The following RSF1 variants were observed in gnomAD, a reference collection of about 807,000 sequenced individuals.
The protein encoded by RSF1 is HBV pX-associated protein 8.
Under a neutral mutation model 145.2 loss-of-function variants are expected in RSF1, and 13 were observed. The observed-to-expected ratio is 0.09, with a 90% CI of 0.06 to 0.14. The LOEUF (loss-of-function observed/expected upper bound fraction) is 0.14, where lower values mean the gene tolerates loss of function less well. Ranked by LOEUF, RSF1 falls within the 10% of genes least tolerant of loss-of-function variation. RSF1 has a pLI of 1.00. For synonymous variants in RSF1, 577 were observed against 592.6 expected, an observed-to-expected ratio of 0.97 and a Z score of 0.38; for missense variants, 1,517 against 1,718.2, an observed-to-expected ratio of 0.88 and a Z score of 2.07.
chr11:77,770,998 T>C (rs924790669), intron 1 of RSF1, among the ~76,000 whole-genome samples: 10 of 152,192 alleles, frequency 6.6e-5, no homozygotes, highest in Admixed American at 6.5e-4. Flanking sequence ...CAATGGCTTC[T>C]AGTATCAGAT....
At chr11:77,743,113 T>C (rs1013401073) in intron 3 of RSF1, among the ~76,000 whole-genome samples, 27 of 152,190 alleles carry the variant, frequency 1.8e-4, no homozygotes, top group African/African-American at 6.3e-4. Flanking sequence ...ATCTGCTTTT[T>C]ACCAGTACCA....
At chr11:77,724,691 C>T (rs1565160881) in intron 5 of RSF1, among the ~76,000 whole-genome samples, 1 of 152,062 alleles carries the variant, frequency 6.6e-6, no homozygotes, top group African/African-American at 2.4e-5. Flanking sequence ...CACCTCAGAT[C>T]ATCAAGCAGT....
At chr11:77,758,592 A>C (rs1948139683) in intron 2 of RSF1, among the ~76,000 whole-genome samples, 1 of 152,220 alleles carries the variant, frequency 6.6e-6, no homozygotes, top group African/African-American at 2.4e-5. Flanking sequence ...CAATTTCTCC[A>C]CAAATTCACC....
chr11:77,830,282 A>G, the RSF1 span, among the ~76,000 whole-genome samples: 4 of 152,350 alleles, frequency 2.6e-5, no homozygotes, highest in South Asian at 2.1e-4. Context: ...TGGAGGCTAT[A>G]TGATCAAACA....
rs537928011 is a variant in RSF1 at position 77,677,145 on chromosome 11, C to A, written c.3134-146G>T. 2.8e-5 allele frequency: 18 copies of A among 650,688 alleles called. No homozygotes were observed. The Admixed American group carries it at 3.0e-4, about 11-fold the overall frequency. 40.3% of individuals were successfully genotyped at this position (650,688 alleles called of 1,614,324 possible). A position where few individuals can be genotyped will look rare whatever the true frequency, so the allele number is the denominator to read the frequency against. ...CAACAAATATGCAGTTTTCTTATGA[C>A]TTCAGCTGACAGAGGTCTCAGAGTT... On this transcript the variant is annotated intron_variant, in intron 12 of 15. Coordinates refer to ENST00000308488, the MANE Select transcript of RSF1 (RefSeq NM_016578.4).
Position 77,661,146 on chromosome 11 carries a change from T to C in RSF1, c.*5771A>G, listed in dbSNP as rs1317901073. On this transcript the variant is annotated 3_prime_UTR_variant, in exon 16 of 16. Transcript: ENST00000308488. ...TAACCAAATAGACCAATTCTAGTTTTTTCCTTCTTTTATATGAATAGATTA... is the reference window on the plus strand; with the variant it reads ...TAACCAAATAGACCAATTCTAGTTTCTTCCTTCTTTTATATGAATAGATTA... 1 of 152,162 alleles carries C rather than the reference T, an allele frequency of 6.6e-6. No individual in the cohort carries two copies. The highest frequency in any genetic ancestry group is 1.5e-5 in the Non-Finnish European group (1 of 68,016). 9.4% of individuals were successfully genotyped at this position (152,162 alleles called of 1,614,324 possible). A position where few individuals can be genotyped will look rare whatever the true frequency, so the allele number is the denominator to read the frequency against.
chr11:77,688,085 G>A (rs1174833215), intron 9 of RSF1, among the ~76,000 whole-genome samples: 1 of 152,138 alleles, frequency 6.6e-6, no homozygotes, highest in Non-Finnish European at 1.5e-5. Flanking sequence ...GAGGTCAGGA[G>A]TTCAAGACCA....
intron 1 of RSF1, among the ~76,000 whole-genome samples, chr11:77,790,451 C>T (rs1281806785): frequency 6.6e-6 from 1 of 152,110 alleles, no homozygotes; most frequent in Non-Finnish European, 1.5e-5. Flanking sequence ...GCCATATCAT[C>T]CTGCCCCGGC....
At position 77,749,920 on chromosome 11, in the gene RSF1, T is replaced by C. The variant is rs192181253; in HGVS notation, c.280-2792A>G. Among the ~76,000 whole-genome samples, 1,025 of 152,180 alleles carry C rather than the reference T, an allele frequency of 6.7e-3. 1 individual carries two copies. The highest frequency in any genetic ancestry group is 0.01 in the Non-Finnish European group (686 of 67,998). ...CCCACCACCATGCCTGGCTAATTTT[T>C]GTATTTTTGGTAGAGACGAGGTTTC... is the stretch of plus-strand genomic sequence containing the variant. On this transcript the variant is annotated intron_variant, in intron 2 of 15. Coordinates refer to ENST00000308488, the MANE Select transcript of RSF1 (RefSeq NM_016578.4).
At chr11:77,753,202 C>A (rs1052529163) in intron 2 of RSF1, among the ~76,000 whole-genome samples, 1 of 152,154 alleles carries the variant, frequency 6.6e-6, no homozygotes, top group South Asian at 2.1e-4. Flanking sequence ...CTTTCTTGTG[C>A]AAGCTCCAAG....
chr11:77,690,353 T>C (rs78219232), intron 9 of RSF1, among the ~76,000 whole-genome samples: 6 of 152,302 alleles, frequency 3.9e-5, no homozygotes, highest in East Asian at 1.9e-4. Context: ...CCAGTTCTTA[T>C]AGTTTTTTTG....
intron 4 of RSF1, chr11:77,735,069 T>C (rs907348865): frequency 8.5e-7 from 1 of 1,170,684 alleles, no homozygotes; most frequent in Non-Finnish European, 1.3e-6. Context: ...AGTGGCTGCG[T>C]GGCGCTGGGG....
intron 14 of RSF1, among the ~76,000 whole-genome samples, chr11:77,674,477 G>T (rs1339480774): frequency 2.0e-5 from 3 of 152,190 alleles, no homozygotes; most frequent in Non-Finnish European, 2.9e-5. Context: ...TGAGGGAAAT[G>T]TTCACAGTTT....
chr11:77,789,914 C>A (rs1948500086), intron 1 of RSF1, among the ~76,000 whole-genome samples: 1 of 152,208 alleles, frequency 6.6e-6, no homozygotes, highest in Non-Finnish European at 1.5e-5. Context: ...GCAGCTGCCA[C>A]CACAGCTGTA....
At position 77,701,693 on chromosome 11, in the gene RSF1, A is replaced by G. The variant is rs1221405789; in HGVS notation, c.1536T>C (p.Asp512=). The change falls in exon 6 of 16, where the codon GAT becomes GAC. Residue 512 remains aspartate (D), a synonymous_variant. Coordinates refer to ENST00000308488, the MANE Select transcript of RSF1 (RefSeq NM_016578.4). ...LEKETAPLRK[D]ADSSISVLEI... is the part of the protein sequence containing the mutation. The stretch of plus-strand genomic sequence containing the variant: ...CTAAGACTGATATTGAACTATCTGC[A>G]TCTTTCCTCAAAGGGGCTGTTTCTT... 3 of 1,613,760 alleles carry G rather than the reference A, an allele frequency of 1.9e-6. No homozygotes were observed. Among genetic ancestry groups the G allele is most frequent in the Non-Finnish European group, 2.5e-6 (3 of 1,179,982 alleles).
the RSF1 span, among the ~76,000 whole-genome samples, chr11:77,857,120 A>G: frequency 5.9e-5 from 9 of 152,250 alleles, no homozygotes; most frequent in African/African-American, 2.2e-4. Flanking sequence ...TGTCTTTAAG[A>G]TAAATCACCT....
chr11:77,793,163 T>C lies in RSF1; in HGVS notation c.187+27365A>G, dbSNP rs550050206. 3.9e-5 allele frequency among the ~76,000 whole-genome samples: 6 copies of C among 152,288 alleles called. No homozygotes were observed. The South Asian group carries it at 8.3e-4, about 21-fold the overall frequency. On this transcript the variant is annotated intron_variant, in intron 1 of 15. Coordinates refer to ENST00000308488, the MANE Select transcript of RSF1 (RefSeq NM_016578.4). ...AATGAATCTGTCTCCACTTGAAAGA[T>C]ACAAACTGGCTGAATGGATAAAGAA...
At chr11:77,685,006 A>C (rs908178364) in intron 10 of RSF1, 99 bp downstream of exon 10, 1 of 577,786 alleles carries the variant, frequency 1.7e-6, no homozygotes, top group Non-Finnish European at 2.9e-6. Context: ...TAAATAAATA[A>C]ATAAATAAAT....
chr11:77,721,951 T>C (rs1193103514), intron 5 of RSF1, among the ~76,000 whole-genome samples: 1 of 152,160 alleles, frequency 6.6e-6, no homozygotes, highest in East Asian at 1.9e-4. Context: ...GGCAAGAGGA[T>C]TGCTTGAAGT....
Sources: allele counts gnomAD v4.1 joint callset (sites outside exome capture counted in the v4.1 genomes callset), GRCh38; gene constraint gnomAD v4.1.1; transcripts MANE v1.5; gene names NCBI Gene and HGNC (gene_info 2026-07-23, HGNC 2026-07-21).